Variants in CACNA1H observed in about 807,000 individuals in gnomAD.
CACNA1H encodes the protein voltage-dependent T-type calcium channel subunit alpha-1H.
A neutral mutation model predicts 192.5 loss-of-function variants in CACNA1H; 149 were observed. The observed-to-expected ratio is 0.77, with a 90% confidence interval of 0.68 to 0.89. CACNA1H has a LOEUF of 0.89. CACNA1H is among the 40% of genes least tolerant of loss of function. The pLI is 0.00. For missense variants in CACNA1H, 4,257 were observed against 3,423.5 expected, an observed-to-expected ratio of 1.24 and a Z score of -6.08; for synonymous variants, 2,202 against 1,475.2, an observed-to-expected ratio of 1.49 and a Z score of -11.29.
intron 5 of CACNA1H, among the ~76,000 whole-genome samples, chr16:1,197,812 G>A (rs944604001): frequency 1.8e-4 from 28 of 152,194 alleles, no homozygotes; most frequent in African/African-American, 6.0e-4. Context: ...TTTACCTGCT[G>A]CCTTAGCCTG....
Position 1,187,582 on chromosome 16 carries a change from G to T in CACNA1H, c.300-7390G>T, listed in dbSNP as rs150828678. 2.7e-3 allele frequency among the ~76,000 whole-genome samples: 407 copies of T among 152,328 alleles called. 1 individual carries two copies. The highest frequency in any genetic ancestry group is 9.5e-3 in the African/African-American group (396 of 41,580). On this transcript the variant is annotated intron_variant, in intron 2 of 34. Coordinates refer to ENST00000348261, the MANE Select transcript of CACNA1H (RefSeq NM_021098.3). ...AGGGGACAGCGGGTGGGGCAGGAAC[G>T]GCCCAGCCTCCCGATCCTCCCAGCT...
At chr16:1,172,495 C>G (rs1430555752) in intron 2 of CACNA1H, among the ~76,000 whole-genome samples, 1 of 152,168 alleles carries the variant, frequency 6.6e-6, no homozygotes, top group African/African-American at 2.4e-5. Context: ...CCCAGCAGGA[C>G]ACGTAAGTAC....
rs1210412714 is a variant in CACNA1H, at chr16:1,200,706, G to T, written c.1120-10G>T. On this transcript the variant is annotated splice_polypyrimidine_tract_variant and intron_variant, in intron 7 of 34. Transcript: ENST00000348261. ...TCGTGCGGGCCCAAGTCAAGCCACT[G>T]CCCCCCCAGGTGATCACGCTGGAAG... 26 of 1,565,008 alleles carry T rather than the reference G, an allele frequency of 1.7e-5. No homozygotes were observed. The highest frequency in any genetic ancestry group is 2.3e-5 in the Non-Finnish European group (26 of 1,154,964).
intron 2 of CACNA1H, among the ~76,000 whole-genome samples, chr16:1,159,392 G>T (rs545881780): frequency 6.6e-6 from 1 of 152,276 alleles, no homozygotes; most frequent in Admixed American, 6.5e-5. Context: ...GGACAGTGCA[G>T]GCCTTGAGGT....
chr16:1,161,323 C>T (rs1044433536), intron 2 of CACNA1H, among the ~76,000 whole-genome samples: 1 of 152,186 alleles, frequency 6.6e-6, no homozygotes, highest in African/African-American at 2.4e-5. Context: ...AAGCCCTCGC[C>T]TCTGTTGACC....
chr16:1,154,207 C>T (rs1357702987), intron 2 of CACNA1H, among the ~76,000 whole-genome samples, 171 bp downstream of exon 2: 2 of 151,760 alleles, frequency 1.3e-5, no homozygotes, highest in African/African-American at 4.8e-5. Context: ...GCTCTAATTT[C>T]TGAGAGTGGC....
Position 1,209,320 on chromosome 16 carries a change from G to C in CACNA1H, c.3652G>C (p.Asp1218His). Reference sequence around the variant, plus strand: ...CCCGCCTACCAAGTGCCGCGATCGCGACGGGCAGGTGGTGGCCCTGCCCAG... The same window carrying C: ...CCCGCCTACCAAGTGCCGCGATCGCCACGGGCAGGTGGTGGCCCTGCCCAG... The part of the protein sequence containing the change: ...ALPPTKCRDR[D>H]GQVVALPSDF... The change falls in exon 17 of 35, where the codon GAC becomes CAC. Residue 1218 changes from aspartate to histidine, a missense_variant. Asp to His is a moderately conservative substitution (Grantham distance 81, BLOSUM62 -1). Coordinates refer to ENST00000348261, the MANE Select transcript of CACNA1H (RefSeq NM_021098.3). The C allele has an allele frequency of 1.3e-6, 2 of 1,597,870 alleles. No homozygotes were observed. Among genetic ancestry groups the C allele is most frequent in the Non-Finnish European group, 1.7e-6 (2 of 1,179,192 alleles).
chr16:1,203,350 C>G (rs1328837728), intron 9 of CACNA1H, among the ~76,000 whole-genome samples: 3 of 152,198 alleles, frequency 2.0e-5, no homozygotes, highest in African/African-American at 7.2e-5. Context: ...AATCCCGTAG[C>G]TAACTTCGCC....
Position 1,210,350 on chromosome 16 carries a change from A to ACACCCC in CACNA1H, c.3846-19_3846-18insACCCCC. ...TCCACGCCGCCCCGCCCCACCTCTC[A>ACACCCC]CCCGCCCCCGCCCACCCAGGTTCCG... On this transcript the variant is annotated intron_variant, in intron 18 of 34. Coordinates refer to ENST00000348261, the MANE Select transcript of CACNA1H (RefSeq NM_021098.3). 3.2e-6 allele frequency: 1 copy of ACACCCC among 313,946 alleles called. No homozygotes were observed. Among genetic ancestry groups the ACACCCC allele is most frequent in the Non-Finnish European group, 4.6e-6 (1 of 215,956 alleles). The allele number at this position is 313,946 out of a possible 1,614,324, so 19.4% of individuals were successfully genotyped here.
At chr16:1,213,584 C>CTT (rs1969710387) in intron 26 of CACNA1H, among the ~76,000 whole-genome samples, 196 bp from the exon 27 acceptor site, 1 of 152,070 alleles carries the variant, frequency 6.6e-6, no homozygotes, top group East Asian at 1.9e-4. Context: ...GAACAGGGTC[C>CTT]TTTTCCTGAG....
Position 1,209,200 on chromosome 16 carries a change from G to A in CACNA1H, c.3532G>A (p.Glu1178Lys), listed in dbSNP as rs1396673003. Residue 1178 changes from glutamate to lysine, a missense_variant, in exon 17 of 35, where the codon GAA (glutamate) becomes AAA (lysine). Transcript: ENST00000348261. Reference protein sequence around the residue: ...SGEGKGSTDDEAEDGRAAPGP... With the variant: ...SGEGKGSTDDKAEDGRAAPGP... ...CGAGGGCAAGGGCAGCACCGACGAC[G>A]AAGCTGAGGACGGCAGGGCCGCGCC... 5.8e-6 allele frequency: 9 copies of A among 1,551,660 alleles called. No individual in the cohort carries two copies. The highest frequency in any genetic ancestry group is 1.9e-5 in the Admixed American group (1 of 51,474).
At chr16:1,188,961 C>G (rs1308027083) in intron 2 of CACNA1H, among the ~76,000 whole-genome samples, 1 of 152,212 alleles carries the variant, frequency 6.6e-6, no homozygotes, top group African/African-American at 2.4e-5. Context: ...CTGCGGTGCA[C>G]TGGAGCTGGG....
At chr16:1,154,363 C>T (rs887257789) in intron 2 of CACNA1H, among the ~76,000 whole-genome samples, 2 of 152,128 alleles carry the variant, frequency 1.3e-5, no homozygotes, top group South Asian at 2.1e-4. Flanking sequence ...CTCCTCGCGG[C>T]CCCAAGGGTG....
chr16:1,220,777 T>C lies in CACNA1H; in HGVS notation c.6845T>C (p.Leu2282Ser), dbSNP rs1222163136. Reference sequence around the variant, plus strand: ...GGGGTCCCCAGTGGAGACCCTTTCTTGGACGGTAGCCACAGTGTGACCCCA... The same window carrying C: ...GGGGTCCCCAGTGGAGACCCTTTCTCGGACGGTAGCCACAGTGTGACCCCA... The part of the protein sequence containing the change: ...DLGVPSGDPF[L>S]DGSHSVTPES... The change falls in exon 35 of 35, where the codon TTG becomes TCG. Residue 2282 changes from leucine (L) to serine (S), a missense_variant. Physicochemically the swap from Leu to Ser is moderately radical, Grantham distance 145. Transcript: ENST00000348261. 1 of 1,612,602 alleles carries C rather than the reference T, an allele frequency of 6.2e-7. No homozygotes were observed. Among genetic ancestry groups the C allele is most frequent in the South Asian group, 1.1e-5 (1 of 91,082 alleles).
chr16:1,211,217 T>G lies in CACNA1H; in HGVS notation c.4273T>G (p.Ser1425Ala), dbSNP rs771918278. ...CAAGCTGGTGGTGGAGACGCTGATATCATCACTCAGGCCCATTGGGAACAT... is the reference window on the plus strand; with the variant it reads ...CAAGCTGGTGGTGGAGACGCTGATAGCATCACTCAGGCCCATTGGGAACAT... ...GLKLVVETLISSLRPIGNIVL... is the reference protein window; with the variant it reads ...GLKLVVETLIASLRPIGNIVL... Residue 1425 changes from serine (S) to alanine (A), a missense_variant, in exon 22 of 35, where the codon TCA (serine) becomes GCA (alanine). Physicochemically the swap from Ser to Ala is moderately conservative, Grantham distance 99. Coordinates refer to ENST00000348261, the MANE Select transcript of CACNA1H (RefSeq NM_021098.3). 4 of 1,612,878 alleles carry G rather than the reference T, an allele frequency of 2.5e-6. No individual in the cohort carries two copies.
chr16:1,209,034 C>G lies in CACNA1H; in HGVS notation c.3366C>G (p.Ala1122=). The change falls in exon 17 of 35, where the codon GCC becomes GCG. Residue 1122 remains alanine, a splice_region_variant and synonymous_variant. Coordinates refer to ENST00000348261, the MANE Select transcript of CACNA1H (RefSeq NM_021098.3). The part of the protein sequence containing the change: ...DPPLGDQKPP[A]SLRSSPCAPW... ...CACTGACTCCCGCCACCCCCCAGGC[C>G]AGCCTCCGAAGTTCTCCCTGTGCCC... is the stretch of plus-strand genomic sequence containing the variant. 6.6e-7 allele frequency: 1 copy of G among 1,506,716 alleles called. No homozygotes were observed. Among genetic ancestry groups the G allele is most frequent in the East Asian group, 2.4e-5 (1 of 40,974 alleles). 93.3% of individuals were successfully genotyped at this position (1,506,716 alleles called of 1,614,324 possible).
intron 2 of CACNA1H, among the ~76,000 whole-genome samples, chr16:1,166,755 G>T (rs778374467): frequency 3.9e-4 from 60 of 152,234 alleles, no homozygotes; most frequent in Non-Finnish European, 6.5e-4. Context: ...CATCCTCCCC[G>T]CAGAGCCCTG....
At chr16:1,196,458 C>T (rs1596385851) in intron 5 of CACNA1H, among the ~76,000 whole-genome samples, 1 of 152,182 alleles carries the variant, frequency 6.6e-6, no homozygotes. Context: ...GCCTTCACAC[C>T]CACACAAGTG....
rs138037660 is a variant in CACNA1H at position 1,183,820 on chromosome 16, G to A, written c.300-11152G>A. Among the ~76,000 whole-genome samples, 17 of 152,366 alleles carry A rather than the reference G, an allele frequency of 1.1e-4. No individual in the cohort carries two copies. In the South Asian group the frequency reaches 1.2e-3, roughly 11 times the overall value. On this transcript the variant is annotated intron_variant, in intron 2 of 34. Transcript: ENST00000348261. Reference sequence around the variant, plus strand: ...TTGCTCCCCCAGTGGGGTCTGTCCCGTCCCACCTGCTGGGAGACTCCAAAG... The same window carrying A: ...TTGCTCCCCCAGTGGGGTCTGTCCCATCCCACCTGCTGGGAGACTCCAAAG...
Sources: gnomAD v4.1 joint callset for allele counts (sites outside exome capture counted in the v4.1 genomes callset) on GRCh38, gnomAD v4.1.1 for gene constraint, MANE v1.5 for transcripts, NCBI Gene and HGNC (gene_info 2026-07-23, HGNC 2026-07-21) for gene names.